NAV2: variants seen among roughly 807,000 people sequenced by gnomAD.
NAV2 encodes helicase, APC down-regulated 1.
NAV2 carries 54 observed loss-of-function variants against 223.2 expected under a neutral mutation model. The observed-to-expected ratio is 0.24, with a 90% CI of 0.19 to 0.30. The LOEUF is 0.30. NAV2 is among the 10% of genes least tolerant of loss of function. The pLI, the probability that NAV2 is intolerant of heterozygous loss-of-function variation, is 1.00. For synonymous variants in NAV2, 1,279 were observed against 1,239.3 expected (o/e 1.03, Z -0.67); for missense variants, 2,806 against 3,147.5 (o/e 0.89, Z 2.60).
intron 11 of NAV2, among the ~76,000 whole-genome samples, chr11:19,999,402 C>G (rs1182664934): frequency 2.0e-5 from 3 of 152,196 alleles, no homozygotes; most frequent in Non-Finnish European, 2.9e-5. Flanking sequence ...GAGTTTTGCT[C>G]TTGTCACCCA....
At chr11:19,471,382 C>A (rs545564096) in intron 1 of NAV2, among the ~76,000 whole-genome samples, 1 of 152,272 alleles carries the variant, frequency 6.6e-6, no homozygotes, top group East Asian at 1.9e-4. Context: ...ATACTCAGTG[C>A]CCAACATATA....
chr11:19,877,477 T>TTTTTTTTCTTTTTTCTTTTCTTTTC (rs1163146174), intron 4 of NAV2, among the ~76,000 whole-genome samples: 5 of 132,582 alleles, frequency 3.8e-5, no homozygotes, highest in African/African-American at 1.5e-4. Context: ...ATTCTTTTTT[T>TTTTTTTTCTTTTTTCTTTTCTTTTC]TTTTTTTTTT....
At chr11:20,072,873 A>G (rs1201593742) in intron 22 of NAV2, among the ~76,000 whole-genome samples, 1 of 152,210 alleles carries the variant, frequency 6.6e-6, no homozygotes, top group Non-Finnish European at 1.5e-5. Context: ...CAATCATGTT[A>G]TCTGCAAACA....
At chr11:19,777,111 C>A (rs932556799) in intron 1 of NAV2, among the ~76,000 whole-genome samples, 1 of 151,330 alleles carries the variant, frequency 6.6e-6, no homozygotes, top group Non-Finnish European at 1.5e-5. Flanking sequence ...CCCCACCCCG[C>A]CCTCGGCCGC....
At chr11:19,350,518 G>A (rs1188410289), upstream of NAV2, among the ~76,000 whole-genome samples, 2 of 152,204 alleles carry the variant, frequency 1.3e-5, no homozygotes, top group African/African-American at 4.8e-5. Flanking sequence ...AGAGGGATGT[G>A]GATGTTAGCA....
At chr11:19,808,103 A>G (rs2058671322) in intron 1 of NAV2, among the ~76,000 whole-genome samples, 1 of 152,210 alleles carries the variant, frequency 6.6e-6, no homozygotes, top group African/African-American at 2.4e-5. Context: ...ACAGAAACTA[A>G]GTCTAAGATT....
At chr11:19,633,277 G>A (rs936083443) in intron 1 of NAV2, among the ~76,000 whole-genome samples, 2 of 152,222 alleles carry the variant, frequency 1.3e-5, no homozygotes, top group African/African-American at 2.4e-5. Flanking sequence ...TGAGGCAAGT[G>A]AAGGCTTGAC....
chr11:19,565,721 TTAAAA>T (rs1301933698), intron 1 of NAV2, among the ~76,000 whole-genome samples: 3 of 152,218 alleles, frequency 2.0e-5, no homozygotes, highest in East Asian at 1.9e-4. Flanking sequence ...GAATACACCA[TTAAAA>T]TAAACCATGT....
chr11:19,887,121 C>T (rs554324775), intron 5 of NAV2, among the ~76,000 whole-genome samples: 1 of 152,276 alleles, frequency 6.6e-6, no homozygotes, highest in African/African-American at 2.4e-5. Context: ...GCCACCTCCC[C>T]TGGAGCTCTG....
intron 1 of NAV2, among the ~76,000 whole-genome samples, chr11:19,690,667 A>G (rs1030762599): frequency 1.3e-5 from 2 of 152,236 alleles, no homozygotes; most frequent in Non-Finnish European, 2.9e-5. Context: ...TGCAAAAGCC[A>G]AAGTAAAAAC....
At chr11:19,950,411 A>G (rs2047287515) in intron 10 of NAV2, among the ~76,000 whole-genome samples, 1 of 152,248 alleles carries the variant, frequency 6.6e-6, no homozygotes, top group African/African-American at 2.4e-5. Flanking sequence ...GGAAGGTTAA[A>G]TAACTTGCCC....
chr11:19,790,103 T>C (rs1329994784), intron 1 of NAV2, among the ~76,000 whole-genome samples: 2 of 152,230 alleles, frequency 1.3e-5, no homozygotes, highest in African/African-American at 4.8e-5. Flanking sequence ...GGATGCTATC[T>C]TGTGGGCGGC....
At chr11:19,453,434 A>G (rs528393821) in intron 1 of NAV2, among the ~76,000 whole-genome samples, 45 of 152,332 alleles carry the variant, frequency 3.0e-4, no homozygotes, top group Non-Finnish European at 5.1e-4. Flanking sequence ...CAAGATTTAG[A>G]TCAATTCAGG....
In NAV2 at chr11:19,621,502, G is replaced by T. The variant is rs181107388; in HGVS notation, c.76-210982G>T. 2.3e-3 allele frequency among the ~76,000 whole-genome samples: 354 copies of T among 152,270 alleles called. 3 individuals carry two copies. The highest frequency in any genetic ancestry group is 8.3e-3 in the African/African-American group (343 of 41,550). On this transcript the variant is annotated intron_variant, in intron 1 of 37. Coordinates refer to the NAV2 transcript ENST00000360655. ...GTCTTGGGAGAGTGTATGTATCGAG[G>T]AATTTATCCATTTCTTCCAGATTTT...
chr11:19,532,700 C>T (rs1360214555), intron 1 of NAV2, among the ~76,000 whole-genome samples: 1 of 152,174 alleles, frequency 6.6e-6, no homozygotes, highest in Non-Finnish European at 1.5e-5. Context: ...AAGCCCCCTG[C>T]CTCCCTGCTG....
chr11:19,738,566 G>T (rs1322361597), intron 1 of NAV2, among the ~76,000 whole-genome samples: 1 of 152,140 alleles, frequency 6.6e-6, no homozygotes, highest in African/African-American at 2.4e-5. Flanking sequence ...CCCAGACCCC[G>T]CCCCCAGTAT....
intron 1 of NAV2, among the ~76,000 whole-genome samples, chr11:19,798,629 G>A (rs12276912): frequency 6.6e-6 from 1 of 152,174 alleles, no homozygotes; most frequent in Non-Finnish European, 1.5e-5. Flanking sequence ...GGAAGCCTGA[G>A]TTGGGGTTTT....
At chr11:19,803,215 A>G (rs1446023172) in intron 1 of NAV2, among the ~76,000 whole-genome samples, 1 of 152,188 alleles carries the variant, frequency 6.6e-6, no homozygotes, top group Admixed American at 6.5e-5. Context: ...GGTGCTGTAT[A>G]TCAAAACTAA....
intron 10 of NAV2, among the ~76,000 whole-genome samples, chr11:19,959,446 A>T (rs7933324): frequency 0.5 from 75,431 of 151,986 alleles, 18,939 homozygotes; most frequent in South Asian, 0.55. Context: ...GGACCTTGTA[A>T]GTTCTCACTT....
Sources: gnomAD v4.1 joint callset for allele counts (sites outside exome capture counted in the v4.1 genomes callset) on GRCh38, gnomAD v4.1.1 for gene constraint, MANE v1.5 for transcripts, NCBI Gene and HGNC (gene_info 2026-07-23, HGNC 2026-07-21) for gene names.